The following ZDHHC19 variants were observed in gnomAD, a reference collection of about 807,000 sequenced individuals.
ZDHHC19 encodes the protein zDHHC palmitoyltransferase 19, also known as palmitoyltransferase ZDHHC19.
In ZDHHC19, 30 loss-of-function variants were observed where a neutral mutation model predicts 33.9. That is an observed-to-expected ratio of 0.88 (90% CI 0.66 to 1.20). ZDHHC19 has a LOEUF of 1.20. Among genes scored for constraint, ZDHHC19 ranks in the 50% most tolerant of loss-of-function variants. ZDHHC19 has a pLI of 0.00. For missense variants in ZDHHC19, 364 were observed against 401.1 expected, an observed-to-expected ratio of 0.91 and a Z score of 0.79; for synonymous variants, 178 against 167.6, an observed-to-expected ratio of 1.06 and a Z score of -0.48.
At chr3:196,210,285 A>AGAAAGAAGGAAG (rs750596258) in intron 2 of ZDHHC19, among the ~76,000 whole-genome samples, 13,211 of 139,586 alleles carry the variant, frequency 0.095, 1,158 homozygotes, top group East Asian at 0.32. Context: ...AAAGAAAGAA[A>AGAAAGAAGGAAG]GAAGGAAGGA....
At chr3:196,210,333 GAA>G (rs1440649694) in intron 2 of ZDHHC19, among the ~76,000 whole-genome samples, 161 of 128,562 alleles carry the variant, frequency 1.3e-3, no homozygotes, top group African/African-American at 2.3e-3. Context: ...AGGAAAGAAA[GAA>G]AGAAAGAAAA....
intron 5 of ZDHHC19, among the ~76,000 whole-genome samples, chr3:196,206,664 C>A (rs955617289): frequency 5.3e-4 from 71 of 133,290 alleles, no homozygotes; most frequent in Non-Finnish European, 8.6e-4. Context: ...GGAACTTTTT[C>A]TTTTCTTTTC....
Position 196,211,173 on chromosome 3 carries a change from A to C in ZDHHC19, c.143T>G (p.Phe48Cys), listed in dbSNP as rs1005795766. ...ACGGCTTGCCTGGAAAACTCACGGG[A>C]ATGCGAAGAAGAGGCCACTGAAAAA... is the stretch of plus-strand genomic sequence containing the variant. ...LVFFSGLFFA[F>C]PCRWLAQNGE... is the part of the protein sequence containing the mutation. The change falls in exon 1 of 8, where the codon TTC becomes TGC. Residue 48 changes from phenylalanine (F) to cysteine (C), a missense_variant. Physicochemically the swap from Phe to Cys is radical, Grantham distance 205. Coordinates refer to ENST00000296326, the MANE Select transcript of ZDHHC19 (RefSeq NM_001039617.2). 16 of 1,614,010 alleles carry C rather than the reference A, an allele frequency of 9.9e-6. No individual in the cohort carries two copies. The highest frequency in any genetic ancestry group is 1.4e-5 in the Non-Finnish European group (16 of 1,180,030).
intron 2 of ZDHHC19, among the ~76,000 whole-genome samples, chr3:196,210,411 G>A (rs13096117): frequency 1.6e-5 from 2 of 121,688 alleles, no homozygotes; most frequent in African/African-American, 7.2e-5. Flanking sequence ...GGGAGAGAGA[G>A]AGGAAGGAAG....
rs117885738 is a variant in ZDHHC19, at chr3:196,207,186, C to T, written c.687+212G>A. Among the ~76,000 whole-genome samples, 568 of 152,302 alleles carry T rather than the reference C, an allele frequency of 3.7e-3. 16 individuals carry two copies. In the South Asian group the frequency reaches 0.063, roughly 17 times the overall value. On this transcript the variant is annotated intron_variant, in intron 5 of 7. Coordinates refer to ENST00000296326, the MANE Select transcript of ZDHHC19 (RefSeq NM_001039617.2). ...TTCCCATCGCTCAAAGAATCCAAACCGCCTAGCACACAGTAGGCCCCCAGG... is the reference window on the plus strand; with the variant it reads ...TTCCCATCGCTCAAAGAATCCAAACTGCCTAGCACACAGTAGGCCCCCAGG...
chr3:196,198,653 C>T, intron 6 of ZDHHC19, 136 bp downstream of exon 6: 1 of 1,567,956 alleles, frequency 6.4e-7, no homozygotes, highest in South Asian at 1.2e-5. Context: ...CCAGAGCTCC[C>T]AGTGCCCTGG....
intron 1 of ZDHHC19, 101 bp downstream of exon 1, chr3:196,211,069 T>C: frequency 6.4e-7 from 1 of 1,572,434 alleles, no homozygotes. Flanking sequence ...TTCCCTGACC[T>C]CTCCCCCGGT....
intron 7 of ZDHHC19, among the ~76,000 whole-genome samples, chr3:196,198,072 G>A (rs1378148556): frequency 2.0e-5 from 3 of 152,078 alleles, no homozygotes; most frequent in African/African-American, 7.2e-5. Flanking sequence ...TTGTCTTTGT[G>A]ACTCCAGGGA....
At chr3:196,198,713 G>A (rs987876136) in intron 6 of ZDHHC19, 76 bp downstream of exon 6, 68 of 1,606,252 alleles carry the variant, frequency 4.2e-5, no homozygotes, top group Non-Finnish European at 5.2e-5. Context: ...CTGGGGCTGT[G>A]GTAAGGAGCC....
chr3:196,200,567 G>A (rs554952535), intron 5 of ZDHHC19, among the ~76,000 whole-genome samples: 2 of 150,198 alleles, frequency 1.3e-5, no homozygotes, highest in Admixed American at 6.6e-5. Flanking sequence ...TGTTAGCCAG[G>A]ATGGTCTCGA....
chr3:196,202,793 G>C (rs568403680), intron 5 of ZDHHC19, among the ~76,000 whole-genome samples: 115 of 152,336 alleles, frequency 7.5e-4, no homozygotes, highest in African/African-American at 2.6e-3. Context: ...ACAGCGGCCG[G>C]CTGAAGCTGC....
At chr3:196,199,838 G>A (rs189591873) in intron 5 of ZDHHC19, among the ~76,000 whole-genome samples, 372 of 151,846 alleles carry the variant, frequency 2.4e-3, no homozygotes, top group South Asian at 2.9e-3. Flanking sequence ...CCAGCTACTC[G>A]GGAGGCTGAG....
At chr3:196,210,816 A>G in intron 1 of ZDHHC19, 79 bp from the exon 2 acceptor site, 3 of 1,539,452 alleles carry the variant, frequency 1.9e-6, no homozygotes, top group Non-Finnish European at 1.8e-6. Flanking sequence ...TGCTCAGGTC[A>G]GGACCCACAG....
At position 196,202,329 on chromosome 3, in the gene ZDHHC19, GA is replaced by G. The variant is rs374440183; in HGVS notation, c.688-3456del. On this transcript the variant is annotated intron_variant, in intron 5 of 7. Coordinates refer to ENST00000296326, the MANE Select transcript of ZDHHC19 (RefSeq NM_001039617.2). ...GCGTGAGAGACTCCGTCTCAAAAAG[GA>G]AAAAAAAAAAGTTCCAAGGGCTGGT... 5.5e-4 allele frequency: 80 copies of G among 145,788 alleles called. 1 individual carries two copies. The highest frequency in any genetic ancestry group is 3.6e-3 in the Middle Eastern group (1 of 280). The allele number at this position is 145,788 out of a possible 1,614,324, so 9.0% of individuals were successfully genotyped here.
rs751734394 is a variant in ZDHHC19 at position 196,211,181 on chromosome 3, G to C, written c.135C>G (p.Phe45Leu). The C allele has an allele frequency of 2.5e-6, 4 of 1,614,196 alleles. No homozygotes were observed. Among genetic ancestry groups the C allele is most frequent in the Middle Eastern group, 1.6e-4 (1 of 6,062 alleles). The change falls in exon 1 of 8, where the codon TTC becomes TTG. Residue 45 changes from phenylalanine to leucine, a missense_variant. Transcript: ENST00000296326. The stretch of plus-strand genomic sequence containing the variant: ...CCTGGAAAACTCACGGGAATGCGAA[G>C]AAGAGGCCACTGAAAAAGACCAGCA... ...VVLLVFFSGL[F>L]FAFPCRWLAQ...
chr3:196,210,381 AG>A (rs1723174166), intron 2 of ZDHHC19, among the ~76,000 whole-genome samples: 1 of 30,708 alleles, frequency 3.3e-5, no homozygotes, highest in Non-Finnish European at 7.4e-5. Flanking sequence ...GGAAAGAGAG[AG>A]GAAGGAAGGA....
Position 196,199,138 on chromosome 3 carries a change from G to A in ZDHHC19, c.688-264C>T, listed in dbSNP as rs117446078. On this transcript the variant is annotated intron_variant, in intron 5 of 7. Transcript: ENST00000296326. ...AAGGTCAGTTGAGCAAGGCCCAGTC[G>A]TATTTCCCTAACCATGATCACATGG... Among the ~76,000 whole-genome samples, 715 of 152,338 alleles carry A rather than the reference G, an allele frequency of 4.7e-3. 21 individuals are homozygous for A. In the South Asian group the frequency reaches 0.082, roughly 17 times the overall value.
Position 196,200,961 on chromosome 3 carries a change from A to C in ZDHHC19, c.688-2087T>G, listed in dbSNP as rs532509098. Among the ~76,000 whole-genome samples the C allele has an allele frequency of 6.6e-5, 10 of 151,672 alleles. No homozygotes were observed. The East Asian group carries it at 1.7e-3, about 26-fold the overall frequency. On this transcript the variant is annotated intron_variant, in intron 5 of 7. Coordinates refer to ENST00000296326, the MANE Select transcript of ZDHHC19 (RefSeq NM_001039617.2). ...CACTGTACCCGGCATTAGGGAAATA[A>C]ATTTTTATTTATTAGATGTATATAA...
chr3:196,198,893 C>T lies in ZDHHC19; in HGVS notation c.688-19G>A, dbSNP rs769585122. ...GTCTGCACTGGTCGGGGATGGAAAC[C>T]GGAAGAGGAGCTCAGAACCAGCAGG... is the stretch of plus-strand genomic sequence containing the variant. On this transcript the variant is annotated intron_variant, in intron 5 of 7. Transcript: ENST00000296326. The T allele has an allele frequency of 5.5e-5, 88 of 1,611,846 alleles. No individual in the cohort carries two copies. The highest frequency in any genetic ancestry group is 3.2e-4 in the Admixed American group (19 of 59,972).
Sources: gnomAD v4.1 joint callset for allele counts (sites outside exome capture counted in the v4.1 genomes callset) on GRCh38, gnomAD v4.1.1 for gene constraint, MANE v1.5 for transcripts, NCBI Gene and HGNC (gene_info 2026-07-23, HGNC 2026-07-21) for gene names.